CSDE1: variants seen among roughly 807,000 people sequenced by gnomAD.
CSDE1 encodes the protein cold shock domain-containing protein E1.
Under a neutral mutation model 89.3 loss-of-function variants are expected in CSDE1, and 17 were observed. The observed-to-expected ratio is 0.19, with a 90% CI of 0.13 to 0.29. The LOEUF (loss-of-function observed/expected upper bound fraction) is 0.29, where lower values mean the gene tolerates loss of function less well. CSDE1 is among the 10% of genes least tolerant of loss of function. The probability of loss-of-function intolerance (pLI) is 1.00; values close to 1 mark genes in which losing one functional copy is unlikely to be tolerated. For synonymous variants in CSDE1, 322 were observed against 332.8 expected, an observed-to-expected ratio of 0.97 and a Z score of 0.35; for missense variants, 672 against 984.2, an observed-to-expected ratio of 0.68 and a Z score of 4.24.
At chr1:114,727,806 T>C (rs1659877450) in intron 12 of CSDE1, 1 of 152,130 alleles carries the variant, frequency 6.6e-6, no homozygotes, top group African/African-American at 2.4e-5. Flanking sequence ...CCCTTCTCAC[T>C]ACTGCACTTG....
In CSDE1 at chr1:114,749,344, C is replaced by T. The variant is rs571200370; in HGVS notation, c.-1+477G>A. Reference sequence around the variant, plus strand: ...TAGCAATGCCTAACAATACAGTAGGCATGTCAACCATTTACAAATGTGCAC... The same window carrying T: ...TAGCAATGCCTAACAATACAGTAGGTATGTCAACCATTTACAAATGTGCAC... On this transcript the variant is annotated intron_variant, in intron 2 of 19. Coordinates refer to ENST00000358528, the MANE Select transcript of CSDE1 (RefSeq NM_001007553.3). Among the ~76,000 whole-genome samples, 107 of 152,290 alleles carry T rather than the reference C, an allele frequency of 7.0e-4. 3 individuals carry two copies. The South Asian group carries it at 0.022, about 31-fold the overall frequency.
chr1:114,755,618 C>T (rs1275610630), intron 1 of CSDE1, among the ~76,000 whole-genome samples: 4 of 152,234 alleles, frequency 2.6e-5, no homozygotes, highest in Admixed American at 2.6e-4. Context: ...AGGGATTTAA[C>T]AGCAAGTCAC....
At chr1:114,735,337 T>C (rs562444009) in intron 6 of CSDE1, among the ~76,000 whole-genome samples, 1 of 152,348 alleles carries the variant, frequency 6.6e-6, no homozygotes, top group African/African-American at 2.4e-5. Context: ...ATGTGCTTTT[T>C]ATTTAAAAAA....
rs191998427 is a variant in CSDE1 at position 114,737,890 on chromosome 1, A to C, written c.309+73T>G. On this transcript the variant is annotated intron_variant, in intron 4 of 19. Coordinates refer to ENST00000358528, the MANE Select transcript of CSDE1 (RefSeq NM_001007553.3). ...CGTGCAAACTGAGGAGATGGGGAGA[A>C]TCTTCCTTTTCTAATGTGAAAGATA... 3 of 1,017,334 alleles carry C rather than the reference A, an allele frequency of 2.9e-6. No individual in the cohort carries two copies. The Admixed American group carries it at 5.2e-5, about 17-fold the overall frequency. 63.0% of individuals were successfully genotyped at this position (1,017,334 alleles called of 1,614,324 possible). A position where few individuals can be genotyped will look rare whatever the true frequency, so the allele number is the denominator to read the frequency against.
chr1:114,750,365 C>CA (rs1229568615), intron 1 of CSDE1, among the ~76,000 whole-genome samples, 158 bp from the exon 2 acceptor site: 1 of 152,184 alleles, frequency 6.6e-6, no homozygotes, highest in Non-Finnish European at 1.5e-5. Flanking sequence ...TTATTTGGAG[C>CA]AATCTCTCAA....
rs778781726 is a variant in CSDE1, at chr1:114,734,473, G to A, written c.551C>T (p.Ala184Val). The change falls in exon 7 of 20, where the codon GCC becomes GTC. Residue 184 changes from alanine to valine, a missense_variant. Coordinates refer to ENST00000358528, the MANE Select transcript of CSDE1 (RefSeq NM_001007553.3). ...RNIMLLKKKQ[A>V]RCQGVVCAMK... is the part of the protein sequence containing the mutation. ...GGCACAAACTACTCCCTGACAGCGG[G>A]CTTGTTTCTTTTTCAACAGCATAAT... 34 of 1,612,758 alleles carry A rather than the reference G, an allele frequency of 2.1e-5. 1 individual carries two copies. In the South Asian group the frequency reaches 3.0e-4, roughly 14 times the overall value.
In CSDE1 at chr1:114,741,520, G is replaced by A. The variant is rs148247383; in HGVS notation, c.1-1630C>T. On this transcript the variant is annotated intron_variant, in intron 2 of 19. Coordinates refer to ENST00000358528, the MANE Select transcript of CSDE1 (RefSeq NM_001007553.3). ...GGTAAGCTGAGATGACTGCTTTCCT[G>A]ACTTACAGATCTCTGATAAGTTGGG... 177 of 1,544,484 alleles carry A rather than the reference G, an allele frequency of 1.1e-4. 1 individual carries two copies. The Middle Eastern group carries it at 1.5e-3, about 13-fold the overall frequency.
Position 114,720,639 on chromosome 1 carries a change from C to T in CSDE1, c.1952G>A (p.Ser651Asn). ...NKGDCLQKGE[S>N]VKFQLCVLGQ... ...CAGGACACACAATTGGAACTTGACGCTCTCCCCTTTCTGCAGGCAATCCCC... is the reference window on the plus strand; with the variant it reads ...CAGGACACACAATTGGAACTTGACGTTCTCCCCTTTCTGCAGGCAATCCCC... Residue 651 changes from serine to asparagine, a missense_variant, in exon 17 of 20, where the codon AGC becomes AAC. By Grantham distance (46) the Ser-to-Asn change is conservative. Coordinates refer to ENST00000358528, the MANE Select transcript of CSDE1 (RefSeq NM_001007553.3). The T allele has an allele frequency of 6.2e-7, 1 of 1,614,164 alleles. No individual in the cohort carries two copies. Among genetic ancestry groups the T allele is most frequent in the Non-Finnish European group, 8.5e-7 (1 of 1,180,036 alleles).
chr1:114,737,329 G>A, intron 5 of CSDE1, 142 bp downstream of exon 5: 1 of 662,874 alleles, frequency 1.5e-6, no homozygotes. Flanking sequence ...TTTTGATTAT[G>A]CTGCATTTGA....
Position 114,749,875 on chromosome 1 carries a change from T to C in CSDE1, c.-55A>G, listed in dbSNP as rs1158198858. 2 of 152,624 alleles carry C rather than the reference T, an allele frequency of 1.3e-5. No homozygotes were observed. Among genetic ancestry groups the C allele is most frequent in the African/African-American group, 2.4e-5 (1 of 41,444 alleles). 9.5% of individuals were successfully genotyped at this position (152,624 alleles called of 1,614,324 possible). On this transcript the variant is annotated 5_prime_UTR_variant, in exon 2 of 20. Transcript: ENST00000358528. Reference sequence around the variant, plus strand: ...CAGTAGTATTTGCTGATTCTTCTTTTTCAGCACACGTTTCAAAGGATGAAA... The same window carrying C: ...CAGTAGTATTTGCTGATTCTTCTTTCTCAGCACACGTTTCAAAGGATGAAA...
intron 1 of CSDE1, chr1:114,756,726 G>A (rs1287727176): frequency 2.0e-5 from 3 of 152,154 alleles, no homozygotes; most frequent in African/African-American, 7.2e-5. Flanking sequence ...TGTTTAAAGA[G>A]CGCCATATTC....
intron 10 of CSDE1, among the ~76,000 whole-genome samples, chr1:114,731,791 A>C (rs1660114564): frequency 6.6e-6 from 1 of 152,228 alleles, no homozygotes; most frequent in Non-Finnish European, 1.5e-5. Flanking sequence ...CAAATTGTTA[A>C]ACCTTCTTAA....
At chr1:114,723,447 A>G (rs951009202) in intron 16 of CSDE1, among the ~76,000 whole-genome samples, 7 of 152,210 alleles carry the variant, frequency 4.6e-5, no homozygotes, top group African/African-American at 1.7e-4. Context: ...AACTCTAGCT[A>G]TTAAGAAACA....
intron 1 of CSDE1, among the ~76,000 whole-genome samples, chr1:114,753,787 G>A (rs1400476066): frequency 2.4e-4 from 36 of 152,096 alleles, no homozygotes; most frequent in Non-Finnish European, 4.4e-5. Context: ...GTGGTGGCAT[G>A]CACCTGTAGT....
At chr1:114,725,356 T>G (rs1396759992) in intron 14 of CSDE1, 23 bp from the exon 15 acceptor site, 2 of 1,554,204 alleles carry the variant, frequency 1.3e-6, no homozygotes, top group Non-Finnish European at 1.8e-6. Flanking sequence ...GAAATGACAT[T>G]TAACTAAACA....
intron 2 of CSDE1, among the ~76,000 whole-genome samples, chr1:114,745,294 T>TAACAAATATA (rs1660955520): frequency 6.6e-6 from 1 of 152,224 alleles, no homozygotes; most frequent in African/African-American, 2.4e-5. Context: ...CAAATATATT[T>TAACAAATATA]TTGTAGCAAA....
chr1:114,721,884 CTTTTT>C (rs77950889), intron 16 of CSDE1, among the ~76,000 whole-genome samples: 3 of 128,166 alleles, frequency 2.3e-5, no homozygotes, highest in Admixed American at 8.0e-5. Flanking sequence ...CCACACCTGA[CTTTTT>C]TTTTTTTTTT....
chr1:114,720,373 T>C, intron 17 of CSDE1, 166 bp downstream of exon 17: 1 of 617,548 alleles, frequency 1.6e-6, no homozygotes, highest in Non-Finnish European at 2.7e-6. Flanking sequence ...ACTTTTTGTG[T>C]AGTTTTCTGT....
rs1279839554 is a variant in CSDE1, at chr1:114,717,817, G to C, written c.*352C>G. The C allele has an allele frequency of 3.9e-6, 1 of 255,980 alleles. No individual in the cohort carries two copies. The highest frequency in any genetic ancestry group is 2.2e-5 in the African/African-American group (1 of 44,584). The allele number at this position is 255,980 out of a possible 1,614,324, so 15.9% of individuals were successfully genotyped here. ...GGTAGAGTATATAATGAAAAGTGCA[G>C]AATTTCATAGGGCCAACAAGATAAC... On this transcript the variant is annotated 3_prime_UTR_variant, in exon 20 of 20. Coordinates refer to ENST00000358528, the MANE Select transcript of CSDE1 (RefSeq NM_001007553.3).
Sources: allele counts gnomAD v4.1 joint callset (sites outside exome capture counted in the v4.1 genomes callset), GRCh38; gene constraint gnomAD v4.1.1; transcripts MANE v1.5; gene names NCBI Gene and HGNC (gene_info 2026-07-23, HGNC 2026-07-21).